MED12L: variants seen among roughly 807,000 people sequenced by gnomAD.
MED12L encodes the protein mediator complex subunit 12L.
Under a neutral mutation model 281.3 loss-of-function variants are expected in MED12L, and 60 were observed. The observed-to-expected ratio is 0.21, with a 90% CI of 0.17 to 0.26. The LOEUF (loss-of-function observed/expected upper bound fraction) is 0.26. MED12L is among the 10% of genes least tolerant of loss of function. The pLI is 1.00. For missense variants in MED12L, 2,146 were observed against 2,680.9 expected (o/e 0.80, Z 4.41); for synonymous variants, 974 against 987.2 (o/e 0.99, Z 0.25).
intron 2 of MED12L, among the ~76,000 whole-genome samples, chr3:151,108,189 G>A (rs558630731): frequency 1.4e-5 from 2 of 142,380 alleles, no homozygotes; most frequent in South Asian, 5.1e-4. Context: ...TGTGTGCGGA[G>A]CAGTAGCCGA....
intron 16 of MED12L, chr3:151,213,073 T>A (rs1434743078): frequency 3.3e-6 from 1 of 306,914 alleles, no homozygotes; most frequent in African/African-American, 2.2e-5. Flanking sequence ...ATTAATTTTT[T>A]ATTAATAGAG....
chr3:151,350,291 A>C, intron 17 of MED12L, 85 bp downstream of exon 17: 22 of 1,344,528 alleles, frequency 1.6e-5, no homozygotes, highest in Non-Finnish European at 2.0e-5. Flanking sequence ...GTTCTATGTC[A>C]CTGTCAACAG....
At chr3:151,252,497 T>A (rs184490696) in intron 16 of MED12L, among the ~76,000 whole-genome samples, 1 of 152,162 alleles carries the variant, frequency 6.6e-6, no homozygotes, top group Non-Finnish European at 1.5e-5. Flanking sequence ...TAATTTTGCA[T>A]CTTTGGCACC....
chr3:151,213,541 C>T (rs774970575), intron 16 of MED12L: 1 of 1,614,172 alleles, frequency 6.2e-7, no homozygotes, highest in East Asian at 2.2e-5. Flanking sequence ...TTCGGTCTGA[C>T]TCTTTGTGTA....
At chr3:151,292,497 C>G (rs1577248020) in intron 16 of MED12L, among the ~76,000 whole-genome samples, 1 of 151,786 alleles carries the variant, frequency 6.6e-6, no homozygotes, top group East Asian at 1.9e-4. Context: ...CCATGTTGGT[C>G]AGGCTGGTCT....
chr3:151,109,809 C>T (rs569471276), intron 2 of MED12L, among the ~76,000 whole-genome samples: 1 of 152,292 alleles, frequency 6.6e-6, no homozygotes, highest in South Asian at 2.1e-4. Context: ...TCTTACTTTC[C>T]ATGTTGTACA....
intron 16 of MED12L, among the ~76,000 whole-genome samples, chr3:151,199,838 C>G (rs1471337421): frequency 6.6e-6 from 1 of 152,010 alleles, no homozygotes; most frequent in Non-Finnish European, 1.5e-5. Flanking sequence ...TGGTTTTTTT[C>G]TTGTTTTAGT....
At chr3:151,377,941 A>C in intron 30 of MED12L, 71 bp from the exon 31 acceptor site, 1 of 1,411,180 alleles carries the variant, frequency 7.1e-7, no homozygotes, top group South Asian at 1.6e-5. Context: ...TTCGCTTTGG[A>C]GTTTCTGTTA....
At chr3:151,194,256 C>G (rs530109395) in intron 16 of MED12L, among the ~76,000 whole-genome samples, 1 of 152,068 alleles carries the variant, frequency 6.6e-6, no homozygotes, top group African/African-American at 2.4e-5. Flanking sequence ...CGTGAGCCAC[C>G]GTGCCAGGCG....
intron 16 of MED12L, among the ~76,000 whole-genome samples, chr3:151,347,718 A>G (rs1457589900): frequency 6.6e-6 from 1 of 152,192 alleles, no homozygotes; most frequent in Non-Finnish European, 1.5e-5. Flanking sequence ...GAAGTCTAGC[A>G]TGTGAATTAA....
chr3:151,246,218 G>T (rs2149415377), intron 16 of MED12L, among the ~76,000 whole-genome samples: 1 of 152,296 alleles, frequency 6.6e-6, no homozygotes, highest in Admixed American at 6.5e-5. Flanking sequence ...TAGATTCAAT[G>T]CCATCCCCAT....
intron 16 of MED12L, among the ~76,000 whole-genome samples, chr3:151,324,828 C>G (rs948870243): frequency 2.0e-5 from 3 of 152,160 alleles, no homozygotes; most frequent in African/African-American, 7.2e-5. Flanking sequence ...TGTAAAATTT[C>G]AAATGTTGAG....
At chr3:151,269,119 G>A (rs978682834) in intron 16 of MED12L, among the ~76,000 whole-genome samples, 1 of 152,124 alleles carries the variant, frequency 6.6e-6, no homozygotes, top group African/African-American at 2.4e-5. Flanking sequence ...ACGTACAAAA[G>A]GAAATACAGG....
chr3:151,294,643 G>A (rs562414301), intron 16 of MED12L: 5 of 1,614,100 alleles, frequency 3.1e-6, no homozygotes, highest in Admixed American at 1.7e-5. Flanking sequence ...TATGCCATTT[G>A]ACCCCCAAAG....
chr3:151,193,831 C>A, intron 16 of MED12L, 165 bp downstream of exon 16: 1 of 541,722 alleles, frequency 1.8e-6, no homozygotes, highest in Non-Finnish European at 3.1e-6. Flanking sequence ...AGCTTATGTA[C>A]TGAGGTTGTC....
At chr3:151,335,679 G>C (rs1037954619) in intron 16 of MED12L, among the ~76,000 whole-genome samples, 17 of 152,094 alleles carry the variant, frequency 1.1e-4, no homozygotes, top group Non-Finnish European at 2.2e-4. Flanking sequence ...TAGAGATAAT[G>C]GCATGTTTTA....
Position 151,253,571 on chromosome 3 carries a change from AT to A in MED12L, c.2250+59908del, listed in dbSNP as rs545570459. ...TCTCTCTGAATTCCTATAGTGCTTA[AT>A]TTAATTCTACTTAGGCCACCCCTCA... On this transcript the variant is annotated intron_variant, in intron 16 of 44. Transcript: ENST00000687756. 3.5e-3 allele frequency among the ~76,000 whole-genome samples: 528 copies of A among 152,196 alleles called. 1 individual carries two copies. Among genetic ancestry groups the A allele is most frequent in the African/African-American group, 0.012 (497 of 41,512 alleles).
intron 16 of MED12L, among the ~76,000 whole-genome samples, chr3:151,211,884 G>T (rs1727227466): frequency 6.6e-6 from 1 of 152,218 alleles, no homozygotes; most frequent in African/African-American, 2.4e-5. Flanking sequence ...GGACTTCAGT[G>T]ATCTGCCCAC....
intron 11 of MED12L, among the ~76,000 whole-genome samples, chr3:151,180,897 T>A (rs1722621507): frequency 6.6e-6 from 1 of 152,238 alleles, no homozygotes; most frequent in Admixed American, 6.5e-5. Context: ...TTGTTTAACA[T>A]GTAAGCAACT....
Sources: gnomAD v4.1 joint callset for allele counts (sites outside exome capture counted in the v4.1 genomes callset) on GRCh38, gnomAD v4.1.1 for gene constraint, MANE v1.5 for transcripts, NCBI Gene and HGNC (gene_info 2026-07-23, HGNC 2026-07-21) for gene names.